The following LITAF variants were observed in gnomAD, a reference collection of about 807,000 sequenced individuals.
The protein encoded by LITAF is lipopolysaccharide-induced tumor necrosis factor-alpha factor.
Under a neutral mutation model 14.5 loss-of-function variants are expected in LITAF, and 9 were observed. That is an observed-to-expected ratio of 0.62 (90% CI 0.37 to 1.08). The LOEUF (loss-of-function observed/expected upper bound fraction) is 1.08, where lower values mean the gene tolerates loss of function less well. LITAF is among the 50% of genes least tolerant of loss of function. The pLI is 0.01. For synonymous variants in LITAF, 98 were observed against 88.2 expected (o/e 1.11, Z -0.62); for missense variants, 206 against 213.4 (o/e 0.97, Z 0.22).
chr16:11,616,624 T>A (rs1459205240), intron 3 of LITAF, among the ~76,000 whole-genome samples: 3 of 152,134 alleles, frequency 2.0e-5, no homozygotes, highest in African/African-American at 7.2e-5. Context: ...AAATACATAT[T>A]TCCTATTGTA....
chr16:11,566,188 A>G (rs1003151669), intron 1 of LITAF, among the ~76,000 whole-genome samples: 1 of 152,146 alleles, frequency 6.6e-6, no homozygotes, highest in Non-Finnish European at 1.5e-5. Flanking sequence ...CTGTCTTCCT[A>G]TCTGGTCATA....
chr16:11,570,915 T>C (rs2064532143), intron 1 of LITAF, among the ~76,000 whole-genome samples: 1 of 151,330 alleles, frequency 6.6e-6, no homozygotes, highest in South Asian at 2.1e-4. Context: ...AAGACCTCTG[T>C]TGGGTTTAAA....
chr16:11,565,965 C>A (rs2064445899), intron 1 of LITAF, among the ~76,000 whole-genome samples: 1 of 151,972 alleles, frequency 6.6e-6, no homozygotes, highest in Admixed American at 6.6e-5. Context: ...GCGCCCCATG[C>A]CCCAGGGCAT....
rs34555711 is a variant in LITAF, at chr16:11,576,556, G to GAC, written c.-6+10329_-6+10330insGT. On this transcript the variant is annotated intron_variant, in intron 1 of 3. Transcript: ENST00000622633. ...CTGCAAAAAAAAAAAAAAAAAAAAA[G>GAC]AGAGAGAGAAAGAGAAAAAGAGAAA... Among the ~76,000 whole-genome samples the GAC allele has an allele frequency of 5.5e-3, 341 of 62,284 alleles. 1 individual carries two copies. The highest frequency in any genetic ancestry group is 0.018 in the African/African-American group (330 of 18,310). 40.9% of individuals were successfully genotyped at this position (62,284 alleles called of 152,430 possible).
chr16:11,586,757 G>GC lies in LITAF; in HGVS notation c.-6+128dup, dbSNP rs1250504493. 1 of 151,878 alleles carries GC rather than the reference G, an allele frequency of 6.6e-6. No homozygotes were observed. Among genetic ancestry groups the GC allele is most frequent in the East Asian group, 1.9e-4 (1 of 5,150 alleles). 9.4% of individuals were successfully genotyped at this position (151,878 alleles called of 1,614,324 possible). A position where few individuals can be genotyped will look rare whatever the true frequency, so the allele number is the denominator to read the frequency against. The stretch of plus-strand genomic sequence containing the variant: ...CCTCGATGCCCGCGACCCGACCCGC[G>GC]CCCCCTGGCATCCCAGGAGGCCCCA... On this transcript the variant is annotated intron_variant, in intron 1 of 3. Transcript: ENST00000622633. This position sits in a 1 kb window ranked among gnomAD's most constrained non-coding sequence, Gnocchi z 6.5.
chr16:11,556,711 T>C lies in LITAF; in HGVS notation c.20A>G (p.Tyr7Cys), dbSNP rs1028656259. ...TGAGGAAGGCCCAGTGGCCGCCTGG[T>C]AAGGTCCTGGAACCGACATTTTACC... MSVPGP[Y>C]QAATGPSSAP... is the part of the protein sequence containing the mutation. The change falls in exon 2 of 4, where the codon TAC becomes TGC. Residue 7 changes from tyrosine (Y) to cysteine (C), a missense_variant. By Grantham distance (194) the Tyr-to-Cys change is radical. Transcript: ENST00000622633. 7 of 1,614,180 alleles carry C rather than the reference T, an allele frequency of 4.3e-6. No homozygotes were observed. The highest frequency in any genetic ancestry group is 5.9e-6 in the Non-Finnish European group (7 of 1,180,018).
At position 11,556,659 on chromosome 16, in the gene LITAF, T is replaced by C; in HGVS notation, c.72A>G (p.Glu24=). 1 of 1,614,186 alleles carries C rather than the reference T, an allele frequency of 6.2e-7. No individual in the cohort carries two copies. Among genetic ancestry groups the C allele is most frequent in the South Asian group, 1.1e-5 (1 of 91,080 alleles). Residue 24 remains glutamate, a synonymous_variant, in exon 2 of 4, where the codon GAA becomes GAG. Transcript: ENST00000622633. The part of the protein sequence containing the change: ...SSAPSAPPSY[E]ETVAVNSYYP... ...AATAACTGTTAACAGCCACTGTCTC[T>C]TCATAGGATGGAGGTGCGGATGGTG...
intron 1 of LITAF, among the ~76,000 whole-genome samples, chr16:11,597,124 T>C (rs932531112): frequency 2.6e-5 from 4 of 152,072 alleles, no homozygotes; most frequent in Non-Finnish European, 5.9e-5. Context: ...CCAGGCACCA[T>C]TTCAGGAGCT....
At chr16:11,582,930 A>C (rs2092840137) in intron 1 of LITAF, among the ~76,000 whole-genome samples, 1 of 152,232 alleles carries the variant, frequency 6.6e-6, no homozygotes, top group South Asian at 2.1e-4. Flanking sequence ...ATAATTCTGC[A>C]ATACGGTTTT....
intron 3 of LITAF, among the ~76,000 whole-genome samples, chr16:11,633,281 C>T (rs1202253950): frequency 1.3e-5 from 2 of 152,164 alleles, no homozygotes; most frequent in East Asian, 3.8e-4. Flanking sequence ...GCTCTGCAAC[C>T]TCAGGCAAGT....
chr16:11,573,998 G>A (rs531628477), intron 1 of LITAF, among the ~76,000 whole-genome samples: 4 of 135,346 alleles, frequency 3.0e-5, no homozygotes, highest in South Asian at 2.3e-4. Flanking sequence ...CAAGGTGCCC[G>A]GCGTTTTTTT....
intron 1 of LITAF, among the ~76,000 whole-genome samples, chr16:11,561,838 C>T (rs1331076620): frequency 7.1e-6 from 1 of 141,064 alleles, no homozygotes; most frequent in East Asian, 2.5e-4. Context: ...AACTACGAAA[C>T]TCTTAGAACA....
At chr16:11,604,368 C>T (rs189375953) in intron 3 of LITAF, among the ~76,000 whole-genome samples, 59 of 152,288 alleles carry the variant, frequency 3.9e-4, no homozygotes, top group African/African-American at 1.4e-3. Flanking sequence ...TTCATTTAAT[C>T]CTCATTACGA....
At chr16:11,551,796 C>A (rs768822303) in intron 3 of LITAF, 6 of 659,604 alleles carry the variant, frequency 9.1e-6, no homozygotes, top group Non-Finnish European at 1.7e-5. Context: ...CGTACCACTG[C>A]ACTCCTGCCT....
upstream of LITAF, among the ~76,000 whole-genome samples, chr16:11,603,405 C>A (rs563424307): frequency 1.3e-5 from 2 of 152,186 alleles, no homozygotes. Flanking sequence ...CTCTGCCTCC[C>A]GAGGGGTTTC....
At chr16:11,588,746 C>T (rs2064830954), upstream of LITAF, among the ~76,000 whole-genome samples, 1 of 152,040 alleles carries the variant, frequency 6.6e-6, no homozygotes, top group Non-Finnish European at 1.5e-5. Context: ...GCTAGGGAGA[C>T]ATAACACCTA....
At chr16:11,640,172 G>A (rs79501497), upstream of LITAF, among the ~76,000 whole-genome samples, 252 of 152,286 alleles carry the variant, frequency 1.7e-3, 1 homozygote, top group African/African-American at 5.7e-3. Flanking sequence ...GGCATTCACG[G>A]CTGGATCCGC....
chr16:11,635,700 C>T (rs532679270), intron 2 of LITAF: 1 of 152,410 alleles, frequency 6.6e-6, no homozygotes, highest in East Asian at 1.9e-4. Context: ...CACCTGTCTC[C>T]CTTCCTCTGG....
intron 3 of LITAF, among the ~76,000 whole-genome samples, chr16:11,613,872 C>A (rs2064999348): frequency 1.3e-5 from 2 of 152,220 alleles, no homozygotes; most frequent in South Asian, 4.1e-4. Context: ...GATGACCGGG[C>A]GGGCCACTTC....
Sources: gnomAD v4.1 joint callset for allele counts (sites outside exome capture counted in the v4.1 genomes callset) on GRCh38, gnomAD v4.1.1 for gene constraint, Gnocchi (gnomAD v3.1) non-coding constraint, MANE v1.5 for transcripts, NCBI Gene and HGNC (gene_info 2026-07-23, HGNC 2026-07-21) for gene names.